Variants in SCN1B observed in about 807,000 individuals in gnomAD.
SCN1B encodes the protein sodium channel regulatory subunit beta-1.
Under a neutral mutation model 25.7 loss-of-function variants are expected in SCN1B, and 11 were observed. The observed-to-expected ratio is 0.43, with a 90% CI of 0.27 to 0.71. The LOEUF (loss-of-function observed/expected upper bound fraction) is 0.71, where lower values mean the gene tolerates loss of function less well. Among genes scored for constraint, SCN1B ranks in the 30% least tolerant of loss-of-function variants. SCN1B has a pLI of 0.21. For missense variants in SCN1B, 224 were observed against 291.5 expected (o/e 0.77, Z 1.69); for synonymous variants, 119 against 117.5 (o/e 1.01, Z -0.08).
Position 35,032,620 on chromosome 19 carries a change from C to T in SCN1B, c.133C>T (p.Arg45Cys), listed in dbSNP as rs757554677. 3.7e-6 allele frequency: 6 copies of T among 1,614,026 alleles called. No homozygotes were observed. The highest frequency in any genetic ancestry group is 3.3e-5 in the South Asian group (3 of 91,090). ...CAAAATTCTTTGCATCTCCTGCAAG[C>T]GCCGCAGCGAGACCAACGCTGAGAC... The part of the protein sequence containing the change: ...TFKILCISCK[R>C]RSETNAETFT... The change falls in exon 2 of 6, where the codon CGC becomes TGC. Residue 45 changes from arginine to cysteine, a missense_variant. Around this residue, in one of 3 missense-constraint regions of SCN1B, gnomAD observed 126 missense variants for 204.9 expected, o/e 0.61. Transcript: ENST00000262631. The surrounding 1 kb of genome is among the most constrained non-coding windows in gnomAD (Gnocchi z 4.3).
chr19:35,039,801 T>C lies in SCN1B; in HGVS notation c.*10T>C. The C allele has an allele frequency of 7.8e-7, 1 of 1,285,928 alleles. No individual in the cohort carries two copies. Among genetic ancestry groups the C allele is most frequent in the Non-Finnish European group, 1.1e-6 (1 of 908,438 alleles). The allele number at this position is 1,285,928 out of a possible 1,614,324, so 79.7% of individuals were successfully genotyped here. ...CCCTCTCTTGCTCCCCTTCAGGCCC[T>C]GGGCCCCGCCTCAAGGAAGAGCCAG... On this transcript the variant is annotated 3_prime_UTR_variant, in exon 6 of 6. Coordinates refer to ENST00000262631, the MANE Select transcript of SCN1B (RefSeq NM_001037.5).
chr19:35,034,630 A>G (rs2064237152), intron 3 of SCN1B: 3 of 167,926 alleles, frequency 1.8e-5, no homozygotes, highest in Admixed American at 1.6e-4. Context: ...TCTCAGGGCC[A>G]CGGCACACAC....
Position 35,032,660 on chromosome 19 carries a change from C to G in SCN1B, c.173C>G (p.Thr58Ser), listed in dbSNP as rs2064221831. Reference protein sequence around the residue: ...ETNAETFTEWTFRQKGTEEFV... With the variant: ...ETNAETFTEWSFRQKGTEEFV... ...AACGCTGAGACCTTCACCGAGTGGA[C>G]CTTCCGCCAGAAGGGCACTGAGGAG... Residue 58 changes from threonine (T) to serine (S), a missense_variant, in exon 2 of 6, where the codon ACC (threonine) becomes AGC (serine). This residue lies in a region of SCN1B where 126 missense variants were observed against 204.9 expected (regional missense o/e 0.61). Coordinates refer to ENST00000262631, the MANE Select transcript of SCN1B (RefSeq NM_001037.5). This position sits in a 1 kb window ranked among gnomAD's most constrained non-coding sequence, Gnocchi z 4.3. The G allele has an allele frequency of 4.3e-6, 7 of 1,614,096 alleles. No homozygotes were observed. The highest frequency in any genetic ancestry group is 5.9e-6 in the Non-Finnish European group (7 of 1,180,042).
chr19:35,032,521 C>T lies in SCN1B; in HGVS notation c.41-7C>T, dbSNP rs2151745957. ...CTCTGCCTGACCTGAGCCTGCTGTC[C>T]CCACAGTGTCCTCAGCCTGCGGGGG... is the stretch of plus-strand genomic sequence containing the variant. On this transcript the variant is annotated splice_polypyrimidine_tract_variant and splice_region_variant and intron_variant, in intron 1 of 5. Transcript: ENST00000262631. This position sits in a 1 kb window ranked among gnomAD's most constrained non-coding sequence, Gnocchi z 4.3. 1.2e-6 allele frequency: 2 copies of T among 1,613,472 alleles called. No individual in the cohort carries two copies. Among genetic ancestry groups the T allele is most frequent in the African/African-American group, 1.3e-5 (1 of 75,046 alleles).
At chr19:35,030,920 G>C in intron 1 of SCN1B, 60 bp downstream of exon 1, 1 of 276,128 alleles carries the variant, frequency 3.6e-6, no homozygotes, top group Non-Finnish European at 6.1e-6. Flanking sequence ...GCGGGGCGGC[G>C]GGAGTGGCGC....
chr19:35,040,105 C>A lies in SCN1B; in HGVS notation c.*314C>A, dbSNP rs897973163. 2.9e-5 allele frequency: 8 copies of A among 278,268 alleles called. No individual in the cohort carries two copies. The South Asian group carries it at 3.1e-4, about 11-fold the overall frequency. 17.2% of individuals were successfully genotyped at this position (278,268 alleles called of 1,614,324 possible). On this transcript the variant is annotated 3_prime_UTR_variant, in exon 6 of 6. Transcript: ENST00000262631. Reference sequence around the variant, plus strand: ...GTGGGGGCAGCGGCCCCGCACCCCTCCTCCTTGCTGATTTGCACACATTGG... The same window carrying A: ...GTGGGGGCAGCGGCCCCGCACCCCTACTCCTTGCTGATTTGCACACATTGG...
intron 3 of SCN1B, chr19:35,034,564 A>C: frequency 5.5e-6 from 1 of 180,274 alleles, no homozygotes; most frequent in South Asian, 1.2e-4. Context: ...CCACTGGCTT[A>C]GAGTTGGGGA....
intron 3 of SCN1B, chr19:35,038,234 G>A (rs1466897856): frequency 6.6e-6 from 1 of 152,178 alleles, no homozygotes; most frequent in Non-Finnish European, 1.5e-5. Context: ...GATGTGGGAT[G>A]GACACCTAGG....
rs1034016541 is a variant in SCN1B, at chr19:35,033,739, G to T, written c.448G>T (p.Ala150Ser). 7 of 1,614,012 alleles carry T rather than the reference G, an allele frequency of 4.3e-6. No homozygotes were observed. The highest frequency in any genetic ancestry group is 5.9e-6 in the Non-Finnish European group (7 of 1,180,028). The change falls in exon 3 of 6, where the codon GCC becomes TCC. Residue 150 changes from alanine to serine, a missense_variant and splice_region_variant. By Grantham distance (99) the Ala-to-Ser change is moderately conservative. This residue lies in a region of SCN1B where 126 missense variants were observed against 204.9 expected (regional missense o/e 0.61). Transcript: ENST00000262631. ...KKIHIEVVDK[A>S]NRDMASIVSE... The stretch of plus-strand genomic sequence containing the variant: ...GATCCACATTGAGGTAGTGGACAAA[G>T]GTGAGTCGGGTGCTGCCTGCCCCTT...
At chr19:35,035,207 T>C (rs1316678356) in intron 3 of SCN1B, 2 of 151,218 alleles carry the variant, frequency 1.3e-5, no homozygotes, top group African/African-American at 4.9e-5. Flanking sequence ...GTTCTTTCCA[T>C]CTTGTTGTTT....
chr19:35,032,033 A>G lies in SCN1B; in HGVS notation c.41-495A>G, dbSNP rs1165604295. On this transcript the variant is annotated intron_variant, in intron 1 of 5. Coordinates refer to ENST00000262631, the MANE Select transcript of SCN1B (RefSeq NM_001037.5). The surrounding 1 kb of genome is among the most constrained non-coding windows in gnomAD (Gnocchi z 4.3). ...CGGTTTCAGTGCCCACCTCCCCACA[A>G]TCCCCCACCCCCAGACCTTTTCTCC... Among the ~76,000 whole-genome samples the G allele has an allele frequency of 1.3e-5, 2 of 152,162 alleles. No homozygotes were observed. Among genetic ancestry groups the G allele is most frequent in the Non-Finnish European group, 2.9e-5 (2 of 67,966 alleles).
In SCN1B at chr19:35,039,223, C is replaced by G. The variant is rs1291900478; in HGVS notation, c.555C>G (p.Ile185Met). ...VAEMIYCYKK[I>M]AAATETAAQE... The stretch of plus-strand genomic sequence containing the variant: ...AGATGATTTACTGCTACAAGAAGAT[C>G]GCTGCCGCCACGGAGACTGCTGCAC... The change falls in exon 4 of 6, where the codon ATC becomes ATG. Residue 185 changes from isoleucine (I) to methionine (M), a missense_variant. Around this residue, in one of 3 missense-constraint regions of SCN1B, gnomAD observed 52 missense variants for 50.8 expected, o/e 1.02. Transcript: ENST00000262631. 1 of 1,613,992 alleles carries G rather than the reference C, an allele frequency of 6.2e-7. No homozygotes were observed. Among genetic ancestry groups the G allele is most frequent in the Non-Finnish European group, 8.5e-7 (1 of 1,180,028 alleles).
chr19:35,032,483 G>A lies in SCN1B; in HGVS notation c.41-45G>A. The A allele has an allele frequency of 6.2e-7, 1 of 1,606,234 alleles. No homozygotes were observed. Among genetic ancestry groups the A allele is most frequent in the Non-Finnish European group, 8.5e-7 (1 of 1,176,282 alleles). ...TTTGTGAGGGGTCTGGCATTGCTTA[G>A]GGCAATGGGTGCCTCTGCCTGACCT... is the stretch of plus-strand genomic sequence containing the variant. On this transcript the variant is annotated intron_variant, in intron 1 of 5. Coordinates refer to ENST00000262631, the MANE Select transcript of SCN1B (RefSeq NM_001037.5). This position sits in a 1 kb window ranked among gnomAD's most constrained non-coding sequence, Gnocchi z 4.3.
At chr19:35,039,382 AC>A in intron 4 of SCN1B, 124 bp downstream of exon 4, 1 of 1,337,938 alleles carries the variant, frequency 7.5e-7, no homozygotes, top group Non-Finnish European at 1.1e-6. Context: ...TCTCAGTACT[AC>A]CCAGAGGGGA....
intron 3 of SCN1B, chr19:35,038,837 C>A: frequency 2.1e-6 from 1 of 486,468 alleles, no homozygotes; most frequent in South Asian, 2.0e-5. Context: ...AGTGGCAGAG[C>A]CAGCCTTTGA....
At chr19:35,031,287 C>G in intron 1 of SCN1B, 1 of 150,442 alleles carries the variant, frequency 6.6e-6, no homozygotes, top group Non-Finnish European at 1.5e-5. Flanking sequence ...GGACTCGGAG[C>G]GCACCGGAGT....
In SCN1B at chr19:35,039,959, C is replaced by A. The variant is rs953389545; in HGVS notation, c.*168C>A. On this transcript the variant is annotated 3_prime_UTR_variant, in exon 6 of 6. Coordinates refer to ENST00000262631, the MANE Select transcript of SCN1B (RefSeq NM_001037.5). ...GGGCAGGGGGCTTGGCTCGCACCCC[C>A]ACTTTCGCCTCCTCCAGCTCCTGCC... The A allele has an allele frequency of 2.5e-5, 14 of 569,432 alleles. No individual in the cohort carries two copies. The highest frequency in any genetic ancestry group is 4.4e-5 in the Non-Finnish European group (14 of 317,808). 35.3% of individuals were successfully genotyped at this position (569,432 alleles called of 1,614,324 possible).
chr19:35,037,991 T>TGAAG lies in SCN1B; in HGVS notation c.449-1114_449-1111dup, dbSNP rs535449214. On this transcript the variant is annotated intron_variant, in intron 3 of 5. Coordinates refer to ENST00000262631, the MANE Select transcript of SCN1B (RefSeq NM_001037.5). ...AATAAAGTCTGTTGAAAAGAATGAA[T>TGAAG]GAAGGAAGGAAGGAATGAGAGGGAA... The TGAAG allele has an allele frequency of 4.0e-5, 6 of 151,408 alleles. No individual in the cohort carries two copies. The South Asian group carries it at 1.0e-3, about 26-fold the overall frequency. 9.4% of individuals were successfully genotyped at this position (151,408 alleles called of 1,614,324 possible).
Position 35,039,989 on chromosome 19 carries a change from CG to C in SCN1B, c.*200del, listed in dbSNP as rs1442962632. ...TCGCCTCCTCCAGCTCCTGCCCCGC[CG>C]GCCGCGCACCGCCATGCATGATGGG... On this transcript the variant is annotated 3_prime_UTR_variant, in exon 6 of 6. Coordinates refer to ENST00000262631, the MANE Select transcript of SCN1B (RefSeq NM_001037.5). The C allele has an allele frequency of 1.0e-5, 5 of 502,054 alleles. No homozygotes were observed. The highest frequency in any genetic ancestry group is 1.8e-5 in the Non-Finnish European group (5 of 274,404). The allele number at this position is 502,054 out of a possible 1,614,324, so 31.1% of individuals were successfully genotyped here.
Sources: allele counts gnomAD v4.1 joint callset (sites outside exome capture counted in the v4.1 genomes callset), GRCh38; gene constraint gnomAD v4.1.1; regional missense constraint gnomAD v4.1.1; non-coding constraint Gnocchi (gnomAD v3.1); transcripts MANE v1.5; gene names NCBI Gene and HGNC (gene_info 2026-07-23, HGNC 2026-07-21).